The following PDZRN4 variants were observed in gnomAD, a reference collection of about 807,000 sequenced individuals.
PDZRN4 encodes the protein PDZ domain-containing RING finger protein 4.
A neutral mutation model predicts 99.0 loss-of-function variants in PDZRN4; 70 were observed. That is an observed-to-expected ratio of 0.71 (90% confidence interval 0.58 to 0.86). The LOEUF (loss-of-function observed/expected upper bound fraction) is 0.86, where lower values mean the gene tolerates loss of function less well. Ranked by LOEUF, PDZRN4 falls within the 40% of genes least tolerant of loss-of-function variation. The probability of loss-of-function intolerance (pLI) is 0.00; values close to 1 mark genes in which losing one functional copy is unlikely to be tolerated. For missense variants in PDZRN4, 1,474 were observed against 1,331.2 expected (o/e 1.11, Z -1.67); for synonymous variants, 551 against 501.6 (o/e 1.10, Z -1.32).
At chr12:41,243,691 T>C (rs1951115049) in intron 3 of PDZRN4, among the ~76,000 whole-genome samples, 1 of 152,180 alleles carries the variant, frequency 6.6e-6, no homozygotes, top group Admixed American at 6.5e-5. Context: ...GGTAATGGTT[T>C]TTCTTACTAT....
intron 3 of PDZRN4, among the ~76,000 whole-genome samples, chr12:41,352,835 A>C (rs770630509): frequency 1.3e-5 from 2 of 152,144 alleles, no homozygotes; most frequent in Non-Finnish European, 2.9e-5. Flanking sequence ...CTTTATTGTC[A>C]TGATGGTTGC....
chr12:41,217,512 T>C (rs2120715003), intron 3 of PDZRN4, among the ~76,000 whole-genome samples: 1 of 152,038 alleles, frequency 6.6e-6, no homozygotes, highest in East Asian at 1.9e-4. Flanking sequence ...AGAAAAAAAA[T>C]AGCAGGTTTC....
At chr12:41,572,069 T>C (rs1358271787) in intron 9 of PDZRN4, among the ~76,000 whole-genome samples, 1 of 152,196 alleles carries the variant, frequency 6.6e-6, no homozygotes, top group Non-Finnish European at 1.5e-5. Flanking sequence ...ACCCCGAGTT[T>C]CCCAAGTAAG....
At chr12:41,447,505 T>G (rs1296418398) in intron 3 of PDZRN4, among the ~76,000 whole-genome samples, 1 of 152,176 alleles carries the variant, frequency 6.6e-6, no homozygotes, top group Non-Finnish European at 1.5e-5. Context: ...ATTGAGCCTC[T>G]GTTTAATTGA....
chr12:41,408,613 G>A (rs1952366438), intron 3 of PDZRN4, among the ~76,000 whole-genome samples: 1 of 152,122 alleles, frequency 6.6e-6, no homozygotes, highest in South Asian at 2.1e-4. Context: ...TACAACTGGA[G>A]GTCTGCTGAA....
intron 3 of PDZRN4, among the ~76,000 whole-genome samples, chr12:41,414,536 T>C (rs1952427298): frequency 6.6e-6 from 1 of 151,994 alleles, no homozygotes; most frequent in Admixed American, 6.6e-5. Flanking sequence ...ATTTTCCCTT[T>C]ATTTTTGTCT....
At chr12:41,418,282 T>C (rs1428011604) in intron 3 of PDZRN4, among the ~76,000 whole-genome samples, 2 of 152,182 alleles carry the variant, frequency 1.3e-5, no homozygotes, top group Non-Finnish European at 2.9e-5. Flanking sequence ...GGAACATTAA[T>C]TGAAAGTAGA....
chr12:41,277,733 T>C (rs1426574749), intron 3 of PDZRN4, among the ~76,000 whole-genome samples: 1 of 152,196 alleles, frequency 6.6e-6, no homozygotes, highest in Non-Finnish European at 1.5e-5. Context: ...GTTGCAACGA[T>C]TGAAGAGACT....
intron 3 of PDZRN4, among the ~76,000 whole-genome samples, chr12:41,369,474 T>C (rs1261094185): frequency 6.6e-6 from 1 of 152,078 alleles, no homozygotes; most frequent in Non-Finnish European, 1.5e-5. Flanking sequence ...CTATTTTGTT[T>C]GCACTTAACA....
chr12:41,501,440 T>C (rs955426435), intron 3 of PDZRN4, among the ~76,000 whole-genome samples: 1 of 152,162 alleles, frequency 6.6e-6, no homozygotes, highest in African/African-American at 2.4e-5. Flanking sequence ...CTGGGGAAGT[T>C]ATTGAAGAGT....
chr12:41,423,373 CT>C (rs1420827950), intron 3 of PDZRN4, among the ~76,000 whole-genome samples: 3 of 152,054 alleles, frequency 2.0e-5, no homozygotes, highest in Non-Finnish European at 4.4e-5. Flanking sequence ...TTAACTCCCA[CT>C]GATAAGTGAG....
At chr12:41,449,027 C>T (rs1952752990) in intron 3 of PDZRN4, among the ~76,000 whole-genome samples, 1 of 152,126 alleles carries the variant, frequency 6.6e-6, no homozygotes, top group Non-Finnish European at 1.5e-5. Context: ...GCAGACCCAA[C>T]ACATTAGGAC....
intron 7 of PDZRN4, among the ~76,000 whole-genome samples, chr12:41,559,460 A>G (rs1239600837): frequency 6.6e-6 from 1 of 152,136 alleles, no homozygotes; most frequent in Non-Finnish European, 1.5e-5. Context: ...TCAGATAACA[A>G]GAGTAAAAGA....
chr12:41,359,946 A>G (rs1951953205), intron 3 of PDZRN4, among the ~76,000 whole-genome samples: 1 of 152,048 alleles, frequency 6.6e-6, no homozygotes, highest in Non-Finnish European at 1.5e-5. Flanking sequence ...TATTCATAGT[A>G]ATACTAGTTG....
At chr12:41,385,023 A>G (rs1167889146) in intron 3 of PDZRN4, among the ~76,000 whole-genome samples, 1 of 152,230 alleles carries the variant, frequency 6.6e-6, no homozygotes, top group East Asian at 1.9e-4. Context: ...TCATTCAATA[A>G]CCACTTAGCA....
At chr12:41,345,927 A>T (rs1177476560) in intron 3 of PDZRN4, among the ~76,000 whole-genome samples, 2 of 152,108 alleles carry the variant, frequency 1.3e-5, no homozygotes, top group African/African-American at 4.8e-5. Context: ...TATTACATGT[A>T]TATTATTACC....
chr12:41,251,072 C>T (rs568708966), intron 3 of PDZRN4, among the ~76,000 whole-genome samples: 1 of 152,272 alleles, frequency 6.6e-6, no homozygotes, highest in South Asian at 2.1e-4. Flanking sequence ...AAAACTGCTT[C>T]AAGATCTCGA....
chr12:41,509,867 C>G lies in PDZRN4; in HGVS notation c.1157C>G (p.Ser386Cys). ...TTTTATGAGGACAATGAGTATATTT[C>G]CAGCTTGCCTGCTGATGCAGACAGA... ...HEFYEDNEYI[S>C]SLPADADRTE... Residue 386 changes from serine (S) to cysteine (C), a missense_variant, in exon 5 of 10, where the codon TCC (serine) becomes TGC (cysteine). Transcript: ENST00000402685. 6.2e-7 allele frequency: 1 copy of G among 1,603,868 alleles called. No individual in the cohort carries two copies. The highest frequency in any genetic ancestry group is 8.5e-7 in the Non-Finnish European group (1 of 1,173,576).
intron 1 of PDZRN4, 41 bp downstream of exon 1, chr12:41,189,144 G>T: frequency 2.6e-6 from 4 of 1,551,844 alleles, no homozygotes; most frequent in South Asian, 1.2e-5. Context: ...TGGTCGATTG[G>T]GGTGGGAAAA....
Sources: allele counts gnomAD v4.1 joint callset (sites outside exome capture counted in the v4.1 genomes callset), GRCh38; gene constraint gnomAD v4.1.1; transcripts MANE v1.5; gene names NCBI Gene and HGNC (gene_info 2026-07-23, HGNC 2026-07-21).